C17orf67: variants seen among roughly 807,000 people sequenced by gnomAD.
C17orf67 encodes uncharacterized protein C17orf67.
A neutral mutation model predicts 11.2 loss-of-function variants in C17orf67; 12 were observed. The observed-to-expected ratio is 1.07, with a 90% CI of 0.68 to 1.73. The LOEUF is 1.73. Ranked by LOEUF, C17orf67 falls within the 40% of genes most tolerant of loss-of-function variation. The probability of loss-of-function intolerance (pLI) is 0.00; values close to 1 mark genes in which losing one functional copy is unlikely to be tolerated. For synonymous variants in C17orf67, 59 were observed against 46.9 expected (o/e 1.26, Z -1.05); for missense variants, 115 against 113.5 (o/e 1.01, Z -0.06).
chr17:56,809,943 TCA>T, intron 6 of C17orf67, among the ~76,000 whole-genome samples: 1 of 107,242 alleles, frequency 9.3e-6, no homozygotes, highest in Admixed American at 9.6e-5. Context: ...CACATACTCC[TCA>T]CACATACTCC....
chr17:56,815,640 G>T, intron 5 of C17orf67, 116 bp downstream of exon 5: 1 of 753,244 alleles, frequency 1.3e-6, no homozygotes, highest in Non-Finnish European at 1.7e-6. Flanking sequence ...AAAAGAAAGA[G>T]CATTGAAATA....
intron 2 of C17orf67, among the ~76,000 whole-genome samples, chr17:56,830,151 C>T (rs1335700173): frequency 2.6e-5 from 4 of 151,214 alleles, no homozygotes; most frequent in East Asian, 1.9e-4. Context: ...GGACCATCCT[C>T]GCTAACATGG....
chr17:56,805,971 CTTTTTTTTTTT>C (rs10684052), intron 6 of C17orf67, among the ~76,000 whole-genome samples: 1 of 98,018 alleles, frequency 1.0e-5, no homozygotes, highest in Non-Finnish European at 1.9e-5. Context: ...GTTGATTTTC[CTTTTTTTTTTT>C]TTTTTTTTTT....
chr17:56,801,718 G>A (rs1055994779), intron 6 of C17orf67, among the ~76,000 whole-genome samples: 7 of 152,204 alleles, frequency 4.6e-5, no homozygotes, highest in African/African-American at 1.4e-4. Flanking sequence ...ACATGTTTGC[G>A]GATTTGGGGC....
intron 7 of C17orf67, among the ~76,000 whole-genome samples, chr17:56,793,090 G>A (rs1349973444): frequency 1.3e-5 from 2 of 151,796 alleles, no homozygotes; most frequent in African/African-American, 2.4e-5. Flanking sequence ...GACCAAGGAA[G>A]AACAAACACC....
intron 2 of C17orf67, among the ~76,000 whole-genome samples, chr17:56,826,111 C>A (rs1384487630): frequency 6.6e-6 from 1 of 152,102 alleles, no homozygotes; most frequent in Non-Finnish European, 1.5e-5. Flanking sequence ...CGCACCACCA[C>A]ACCCAGCTAA....
intron 6 of C17orf67, among the ~76,000 whole-genome samples, chr17:56,801,277 A>G (rs909702781): frequency 1.3e-5 from 2 of 152,224 alleles, no homozygotes; most frequent in African/African-American, 4.8e-5. Context: ...AGACATACTC[A>G]GTCATATTTG....
intron 6 of C17orf67, among the ~76,000 whole-genome samples, chr17:56,803,627 A>C (rs1905377495): frequency 6.6e-6 from 1 of 152,174 alleles, no homozygotes; most frequent in Non-Finnish European, 1.5e-5. Context: ...TAAATGAAAT[A>C]ACTGTTCTTT....
chr17:56,794,367 C>T (rs1412934201), intron 7 of C17orf67, among the ~76,000 whole-genome samples: 1 of 152,132 alleles, frequency 6.6e-6, no homozygotes. Flanking sequence ...TGGGCTTACC[C>T]TCTGAAGGAA....
chr17:56,792,404 T>C (rs1387356115), intron 7 of C17orf67, 52 bp from the exon 8 acceptor site: 1 of 152,130 alleles, frequency 6.6e-6, no homozygotes, highest in Non-Finnish European at 1.5e-5. Flanking sequence ...ATTGTGATGG[T>C]AGTGGTGGTG....
At chr17:56,818,461 C>T (rs965531301) in intron 4 of C17orf67, among the ~76,000 whole-genome samples, 10 of 152,074 alleles carry the variant, frequency 6.6e-5, no homozygotes, top group Admixed American at 2.6e-4. Flanking sequence ...GGAGTTCAAG[C>T]CTGCAGTGAG....
At chr17:56,799,592 G>A (rs1905274014) in intron 6 of C17orf67, among the ~76,000 whole-genome samples, 1 of 152,228 alleles carries the variant, frequency 6.6e-6, no homozygotes, top group Non-Finnish European at 1.5e-5. Context: ...GTAAACACCA[G>A]GGAGTGTGAT....
intron 7 of C17orf67, among the ~76,000 whole-genome samples, chr17:56,792,864 ATGGTGG>A (rs1905138678): frequency 1.6e-4 from 24 of 147,706 alleles, no homozygotes; most frequent in Non-Finnish European, 2.3e-4. Context: ...GGTGGTGGTG[ATGGTGG>A]TGGTGGTGGT....
chr17:56,829,021 T>C (rs1347152658), intron 2 of C17orf67, among the ~76,000 whole-genome samples: 8 of 152,188 alleles, frequency 5.3e-5, no homozygotes, highest in Non-Finnish European at 4.4e-5. Context: ...TGCTCACACC[T>C]GTAATTTCAA....
rs1482577743 is a variant in C17orf67, at chr17:56,814,882, T to C, written c.143A>G (p.Asp48Gly). 11 of 1,613,978 alleles carry C rather than the reference T, an allele frequency of 6.8e-6. No homozygotes were observed. The Admixed American group carries it at 1.5e-4, about 22-fold the overall frequency. ...CAAAGCACTCACCCGCATTGGCTCA[T>C]CGGGGAATCCGGGTTTGCTTGGTCT... ...QDRPSKPGFP[D>G]EPMREYMHHL... The change falls in exon 6 of 8, where the codon GAT becomes GGT. Residue 48 changes from aspartate to glycine, a missense_variant. By Grantham distance (94) the Asp-to-Gly change is moderately conservative. Transcript: ENST00000397861.
At chr17:56,803,561 C>T (rs927645527) in intron 6 of C17orf67, among the ~76,000 whole-genome samples, 8 of 152,294 alleles carry the variant, frequency 5.3e-5, no homozygotes, top group Middle Eastern at 3.4e-3. Flanking sequence ...TAGTGCTTGG[C>T]ACACAGTAGG....
intron 4 of C17orf67, among the ~76,000 whole-genome samples, chr17:56,820,379 A>G (rs924362174): frequency 3.9e-5 from 6 of 152,356 alleles, no homozygotes; most frequent in South Asian, 2.1e-4. Context: ...AGCTCAGGGC[A>G]CCAGGCAGAA....
At chr17:56,792,888 G>GTAA in intron 7 of C17orf67, among the ~76,000 whole-genome samples, 1 of 83,724 alleles carries the variant, frequency 1.2e-5, no homozygotes, top group Non-Finnish European at 2.8e-5. Context: ...GGTGGTGGTG[G>GTAA]TGATGGTGGT....
chr17:56,801,368 G>A (rs1227928420), intron 6 of C17orf67, among the ~76,000 whole-genome samples: 1 of 152,114 alleles, frequency 6.6e-6, no homozygotes, highest in East Asian at 1.9e-4. Context: ...GCATTAAGAA[G>A]GCTTTAACAA....
Sources: allele counts gnomAD v4.1 joint callset (sites outside exome capture counted in the v4.1 genomes callset), GRCh38; gene constraint gnomAD v4.1.1; transcripts MANE v1.5; gene names NCBI Gene and HGNC (gene_info 2026-07-23, HGNC 2026-07-21).